The following COL22A1 variants were observed in gnomAD, a reference collection of about 807,000 sequenced individuals.
COL22A1 encodes the protein collagen type XXII alpha 1 chain, also known as collagen alpha-1(XXII) chain.
A neutral mutation model predicts 248.9 loss-of-function variants in COL22A1; 221 were observed. That is an observed-to-expected ratio of 0.89 (90% confidence interval 0.80 to 0.99). The LOEUF (loss-of-function observed/expected upper bound fraction) is 0.99, where lower values mean the gene tolerates loss of function less well. Ranked by LOEUF, COL22A1 falls within the 50% of genes least tolerant of loss-of-function variation. COL22A1 has a pLI of 0.00. For missense variants in COL22A1, 2,240 were observed against 2,179.0 expected (o/e 1.03, Z -0.56); for synonymous variants, 891 against 793.4 (o/e 1.12, Z -2.07).
At chr8:138,781,295 C>G (rs1040818048) in intron 12 of COL22A1, among the ~76,000 whole-genome samples, 3 of 152,130 alleles carry the variant, frequency 2.0e-5, no homozygotes, top group African/African-American at 7.2e-5. Context: ...CCTTCCTCGC[C>G]CTGGGCTTGG....
At chr8:138,807,628 C>T in intron 10 of COL22A1, 140 bp downstream of exon 10, 1 of 744,224 alleles carries the variant, frequency 1.3e-6, no homozygotes, top group Non-Finnish European at 2.2e-6. Context: ...GACATTTGCT[C>T]TTATCCATCT....
Position 138,826,741 on chromosome 8 carries a change from C to CA in COL22A1, c.885dup (p.Val296CysfsTer36). The stretch of plus-strand genomic sequence containing the variant: ...GTTTTCCTGAACCGGAAGGTTGTGA[C>CA]AAAGGCGTACTCATCAGGTAAACCT... On this transcript the variant is annotated frameshift_variant, in exon 6 of 65. Transcript: ENST00000303045. LOFTEE classifies it high-confidence loss of function. 6.2e-7 allele frequency: 1 copy of CA among 1,614,100 alleles called. No individual in the cohort carries two copies. Among genetic ancestry groups the CA allele is most frequent in the Non-Finnish European group, 8.5e-7 (1 of 1,179,992 alleles).
intron 1 of COL22A1, among the ~76,000 whole-genome samples, chr8:138,903,870 G>A (rs750741845): frequency 1.2e-4 from 19 of 152,222 alleles, no homozygotes; most frequent in African/African-American, 3.1e-4. Context: ...AGAGGCGCAC[G>A]TCTGCTGGAG....
chr8:138,616,824 G>A, intron 54 of COL22A1, 90 bp downstream of exon 54: 2 of 1,480,912 alleles, frequency 1.4e-6, no homozygotes, highest in South Asian at 2.3e-5. Context: ...GTAAGGCACT[G>A]CCATGGCCTG....
At chr8:138,606,274 C>T in intron 58 of COL22A1, 107 bp downstream of exon 58, 1 of 1,041,234 alleles carries the variant, frequency 9.6e-7, no homozygotes, top group Non-Finnish European at 1.4e-6. Context: ...TCATCATGGC[C>T]TGAGCAGACA....
At chr8:138,611,466 C>G (rs1564094651) in intron 56 of COL22A1, among the ~76,000 whole-genome samples, 1 of 152,188 alleles carries the variant, frequency 6.6e-6, no homozygotes, top group East Asian at 1.9e-4. Flanking sequence ...CCAGTCAGAA[C>G]CACCCCACTC....
chr8:138,803,372 C>A (rs944294948), intron 10 of COL22A1, among the ~76,000 whole-genome samples: 1 of 152,106 alleles, frequency 6.6e-6, no homozygotes, highest in East Asian at 1.9e-4. Context: ...CATAAAGGTG[C>A]TTTGAAAACT....
intron 27 of COL22A1, among the ~76,000 whole-genome samples, chr8:138,719,208 G>A (rs888649061): frequency 2.0e-5 from 3 of 152,006 alleles, no homozygotes; most frequent in Non-Finnish European, 2.9e-5. Context: ...TTAAGACCAT[G>A]TGATTCACTC....
intron 1 of COL22A1, among the ~76,000 whole-genome samples, chr8:138,912,102 A>G (rs959795137): frequency 1.3e-5 from 2 of 152,146 alleles, no homozygotes; most frequent in Non-Finnish European, 2.9e-5. Context: ...TGTGTTATCT[A>G]TCTCTATCTC....
At chr8:138,656,188 A>T (rs1382372063) in intron 44 of COL22A1, among the ~76,000 whole-genome samples, 1 of 152,196 alleles carries the variant, frequency 6.6e-6, no homozygotes, top group African/African-American at 2.4e-5. Context: ...GCCTTTGGCC[A>T]TCCCTACTCT....
chr8:138,844,949 C>CAAA (rs56957004), intron 3 of COL22A1, among the ~76,000 whole-genome samples: 118 of 49,312 alleles, frequency 2.4e-3, no homozygotes, highest in African/African-American at 7.7e-3. Flanking sequence ...GACTCCATCT[C>CAAA]AAAAAAAAAA....
intron 60 of COL22A1, among the ~76,000 whole-genome samples, 179 bp from the exon 61 acceptor site, chr8:138,599,077 C>T (rs912521912): frequency 2.6e-5 from 4 of 152,220 alleles, no homozygotes; most frequent in Non-Finnish European, 4.4e-5. Flanking sequence ...ATGCACTGTC[C>T]TGATTGTACA....
chr8:138,599,336 G>A (rs949987803), intron 60 of COL22A1, among the ~76,000 whole-genome samples: 2 of 152,054 alleles, frequency 1.3e-5, no homozygotes, highest in Admixed American at 6.6e-5. Flanking sequence ...AACATTAGCC[G>A]GGCGTGGTGG....
At chr8:138,647,207 T>G (rs1822278244) in intron 46 of COL22A1, among the ~76,000 whole-genome samples, 1 of 152,132 alleles carries the variant, frequency 6.6e-6, no homozygotes, top group African/African-American at 2.4e-5. Context: ...GGTAAGGAAC[T>G]GAGGTCTCCA....
At chr8:138,689,598 C>T (rs1395580526) in intron 36 of COL22A1, among the ~76,000 whole-genome samples, 1 of 152,140 alleles carries the variant, frequency 6.6e-6, no homozygotes, top group Non-Finnish European at 1.5e-5. Flanking sequence ...CCCTGTAATC[C>T]TAGCTACTTG....
chr8:138,837,624 G>A (rs550247933), intron 4 of COL22A1, among the ~76,000 whole-genome samples: 8 of 152,126 alleles, frequency 5.3e-5, no homozygotes, highest in African/African-American at 1.7e-4. Flanking sequence ...ACAACCCACC[G>A]GGCTGCCCCT....
intron 7 of COL22A1, among the ~76,000 whole-genome samples, chr8:138,818,140 C>T (rs1030981666): frequency 6.6e-6 from 1 of 152,106 alleles, no homozygotes; most frequent in East Asian, 1.9e-4. Context: ...CCCTCTGAGC[C>T]TCCGTATCCT....
intron 37 of COL22A1, among the ~76,000 whole-genome samples, chr8:138,686,873 C>G (rs1826398905): frequency 6.6e-6 from 1 of 152,172 alleles, no homozygotes; most frequent in Non-Finnish European, 1.5e-5. Context: ...TTTGCTTAAT[C>G]TAGGCAGTCT....
chr8:138,596,497 C>A (rs1483968287), intron 62 of COL22A1, among the ~76,000 whole-genome samples: 2 of 152,164 alleles, frequency 1.3e-5, no homozygotes, highest in East Asian at 3.9e-4. Context: ...ATTTAAGAAC[C>A]TCTATTGACT....
Sources: allele counts gnomAD v4.1 joint callset (sites outside exome capture counted in the v4.1 genomes callset), GRCh38; gene constraint gnomAD v4.1.1; transcripts MANE v1.5; gene names NCBI Gene and HGNC (gene_info 2026-07-23, HGNC 2026-07-21).